TAFA1: variants seen among roughly 807,000 people sequenced by gnomAD.
TAFA1 encodes TAFA chemokine like family member 1.
Under a neutral mutation model 18.5 loss-of-function variants are expected in TAFA1, and 4 were observed. The ratio of observed to expected loss-of-function variants is 0.22; its 90% CI spans 0.11 to 0.49. The LOEUF (loss-of-function observed/expected upper bound fraction) is 0.49. TAFA1 is among the 20% of genes least tolerant of loss of function. The pLI is 0.98. For missense variants in TAFA1, 147 were observed against 169.0 expected, an observed-to-expected ratio of 0.87 and a Z score of 0.72; for synonymous variants, 56 against 55.2, an observed-to-expected ratio of 1.01 and a Z score of -0.06.
intron 3 of TAFA1, among the ~76,000 whole-genome samples, chr3:68,452,375 T>A (rs1212612915): frequency 6.6e-6 from 1 of 151,572 alleles, no homozygotes; most frequent in African/African-American, 2.4e-5. Context: ...ATACAACAAT[T>A]AGCTGGGCGT....
intron 2 of TAFA1, among the ~76,000 whole-genome samples, chr3:68,119,293 C>A (rs980599481): frequency 3.9e-5 from 6 of 152,086 alleles, no homozygotes; most frequent in Admixed American, 3.9e-4. Context: ...AACTCTTTAT[C>A]AGATACATGA....
chr3:68,452,597 G>A (rs1187246120), intron 3 of TAFA1, among the ~76,000 whole-genome samples: 1 of 151,158 alleles, frequency 6.6e-6, no homozygotes, highest in African/African-American at 2.4e-5. Context: ...ACTCAGCCAT[G>A]GAAAATGCCC....
chr3:68,277,460 C>T (rs1173536442), intron 2 of TAFA1, among the ~76,000 whole-genome samples: 1 of 151,960 alleles, frequency 6.6e-6, no homozygotes, highest in Non-Finnish European at 1.5e-5. Context: ...TAAGGTATTT[C>T]TCCAGGTTCC....
At chr3:67,998,734 C>G in the TAFA1 span, among the ~76,000 whole-genome samples, 311 of 152,284 alleles carry the variant, frequency 2.0e-3, 2 homozygotes, top group South Asian at 5.4e-3. Flanking sequence ...AATAGAAATC[C>G]TGGAAGGCAG....
rs184781273 is a variant in TAFA1, at chr3:68,117,859, A to C, written c.118+111115A>C. On this transcript the variant is annotated intron_variant, in intron 2 of 4. Coordinates refer to ENST00000478136, the MANE Select transcript of TAFA1 (RefSeq NM_213609.4). ...AAAATTGTGGTAAAATATGCACAGC[A>C]TACAATTTACTACCATAACCATTTT... Among the ~76,000 whole-genome samples, 117 of 152,328 alleles carry C rather than the reference A, an allele frequency of 7.7e-4. No individual in the cohort carries two copies. In the East Asian group the frequency reaches 0.017, roughly 22 times the overall value.
At position 68,191,989 on chromosome 3, in the gene TAFA1, T is replaced by C. The variant is rs538531049; in HGVS notation, c.118+185245T>C. Among the ~76,000 whole-genome samples the C allele has an allele frequency of 2.0e-5, 3 of 151,964 alleles. No homozygotes were observed. In the East Asian group the frequency reaches 5.8e-4, roughly 30 times the overall value. ...AGGTGAGTTCTAAGTATAGGATCTC[T>C]TTCTATATTCTTGGTTTATCTGCTT... is the stretch of plus-strand genomic sequence containing the variant. On this transcript the variant is annotated intron_variant, in intron 2 of 4. Coordinates refer to ENST00000478136, the MANE Select transcript of TAFA1 (RefSeq NM_213609.4).
At chr3:68,240,928 A>G (rs145125137) in intron 2 of TAFA1, among the ~76,000 whole-genome samples, 3 of 152,290 alleles carry the variant, frequency 2.0e-5, no homozygotes, top group African/African-American at 7.2e-5. Flanking sequence ...GCATTAAGTA[A>G]TTCTGTTTTG....
chr3:68,107,752 A>T (rs1559522716), intron 2 of TAFA1, among the ~76,000 whole-genome samples: 1 of 152,168 alleles, frequency 6.6e-6, no homozygotes, highest in African/African-American at 2.4e-5. Flanking sequence ...TGCATTTAAT[A>T]TGATTTCTGA....
intron 3 of TAFA1, among the ~76,000 whole-genome samples, chr3:68,463,928 G>C (rs1268511930): frequency 6.6e-6 from 1 of 152,074 alleles, no homozygotes; most frequent in Non-Finnish European, 1.5e-5. Flanking sequence ...CAAATTCAGT[G>C]AGCTACATGG....
intron 3 of TAFA1, among the ~76,000 whole-genome samples, chr3:68,454,053 G>A (rs1417646814): frequency 6.6e-6 from 1 of 152,140 alleles, no homozygotes; most frequent in Non-Finnish European, 1.5e-5. Context: ...GGCACCTACA[G>A]CAACTTGTAA....
intron 3 of TAFA1, among the ~76,000 whole-genome samples, chr3:68,497,431 G>A (rs902708111): frequency 2.0e-5 from 3 of 152,128 alleles, no homozygotes; most frequent in Non-Finnish European, 4.4e-5. Flanking sequence ...ATAATCTAAT[G>A]TGGTCTAAGA....
At chr3:68,175,594 C>T (rs1279195927) in intron 2 of TAFA1, among the ~76,000 whole-genome samples, 1 of 152,154 alleles carries the variant, frequency 6.6e-6, no homozygotes, top group African/African-American at 2.4e-5. Context: ...CCAATCTCTC[C>T]CGTTTGGAAT....
intron 3 of TAFA1, among the ~76,000 whole-genome samples, chr3:68,435,953 C>T (rs1163664473): frequency 6.6e-6 from 1 of 152,014 alleles, no homozygotes; most frequent in Non-Finnish European, 1.5e-5. Context: ...TTGGCCACAC[C>T]CCTAGATATT....
intron 2 of TAFA1, among the ~76,000 whole-genome samples, chr3:68,247,200 A>T (rs771130211): frequency 1.3e-5 from 2 of 152,144 alleles, no homozygotes; most frequent in Non-Finnish European, 2.9e-5. Context: ...GTCCACCTGA[A>T]TGTTCCCTCA....
At chr3:68,214,366 G>T (rs534658181) in intron 2 of TAFA1, among the ~76,000 whole-genome samples, 1 of 152,140 alleles carries the variant, frequency 6.6e-6, no homozygotes, top group East Asian at 1.9e-4. Flanking sequence ...TGGCCACATG[G>T]CATAGATACA....
intron 2 of TAFA1, among the ~76,000 whole-genome samples, chr3:68,201,152 A>T (rs1204310036): frequency 1.3e-5 from 2 of 151,736 alleles, no homozygotes; most frequent in African/African-American, 2.4e-5. Flanking sequence ...TTATTTAGGA[A>T]TGTATTGTTT....
intron 2 of TAFA1, among the ~76,000 whole-genome samples, chr3:68,279,920 T>C (rs78880935): frequency 0.014 from 2,161 of 152,328 alleles, 21 homozygotes; most frequent in Non-Finnish European, 0.021. Context: ...TATACAACTG[T>C]AGATTTTTCC....
At chr3:68,510,683 G>A (rs1021788547) in intron 3 of TAFA1, among the ~76,000 whole-genome samples, 3 of 152,136 alleles carry the variant, frequency 2.0e-5, no homozygotes, top group East Asian at 1.9e-4. Context: ...AAAAAGTTGA[G>A]TGAGTCAAAT....
intron 2 of TAFA1, among the ~76,000 whole-genome samples, chr3:68,278,360 G>C (rs375023737): frequency 1.3e-5 from 2 of 152,022 alleles, no homozygotes; most frequent in African/African-American, 4.8e-5. Context: ...CCCACTACCC[G>C]TCACCCAGCT....
Sources: allele counts gnomAD v4.1 joint callset (sites outside exome capture counted in the v4.1 genomes callset), GRCh38; gene constraint gnomAD v4.1.1; transcripts MANE v1.5; gene names NCBI Gene and HGNC (gene_info 2026-07-23, HGNC 2026-07-21).